The following JMJD1C variants were observed in gnomAD, a reference collection of about 807,000 sequenced individuals.
JMJD1C encodes jumonji domain containing 1C, also known as jumonji domain-containing protein 1C.
In JMJD1C, 31 loss-of-function variants were observed where a neutral mutation model predicts 245.3. The ratio of observed to expected loss-of-function variants is 0.13; its 90% confidence interval spans 0.09 to 0.17. The LOEUF (loss-of-function observed/expected upper bound fraction) is 0.17. Among genes scored for constraint, JMJD1C ranks in the 10% least tolerant of loss-of-function variants. The pLI is 1.00. For missense variants in JMJD1C, 2,691 were observed against 3,000.2 expected (o/e 0.90, Z 2.41); for synonymous variants, 1,057 against 1,017.4 (o/e 1.04, Z -0.74).
chr10:63,269,868 T>C (rs1856067097), intron 2 of JMJD1C, among the ~76,000 whole-genome samples: 1 of 152,246 alleles, frequency 6.6e-6, no homozygotes, highest in Non-Finnish European at 1.5e-5. Flanking sequence ...TCTAGAGTTC[T>C]GCTGTCTGAT....
intron 22 of JMJD1C, among the ~76,000 whole-genome samples, chr10:63,180,293 G>C (rs1377708576): frequency 1.3e-5 from 2 of 152,226 alleles, no homozygotes; most frequent in Non-Finnish European, 2.9e-5. Flanking sequence ...TTACAGGCGT[G>C]AGCCACTGCT....
At chr10:63,447,129 C>A (rs952941958) in intron 1 of JMJD1C, among the ~76,000 whole-genome samples, 2 of 150,952 alleles carry the variant, frequency 1.3e-5, no homozygotes, top group African/African-American at 4.9e-5. Context: ...TCTCAAGAGA[C>A]TCTTAACAAG....
At chr10:63,236,303 A>G (rs1589241284) in intron 3 of JMJD1C, among the ~76,000 whole-genome samples, 1 of 152,150 alleles carries the variant, frequency 6.6e-6, no homozygotes, top group Non-Finnish European at 1.5e-5. Flanking sequence ...TTTAACTACA[A>G]TTTGCTAAGT....
At chr10:63,433,391 C>T (rs892835081) in intron 1 of JMJD1C, among the ~76,000 whole-genome samples, 4 of 151,794 alleles carry the variant, frequency 2.6e-5, no homozygotes, top group Non-Finnish European at 4.4e-5. Flanking sequence ...CCACCGCGCC[C>T]GGCCTAAGGG....
intron 22 of JMJD1C, among the ~76,000 whole-genome samples, chr10:63,181,300 T>C (rs1843445448): frequency 6.6e-6 from 1 of 152,240 alleles, no homozygotes; most frequent in Non-Finnish European, 1.5e-5. Context: ...TAAATTTTAC[T>C]GCTCTGCAAA....
chr10:63,280,277 C>T (rs192449162), intron 2 of JMJD1C, among the ~76,000 whole-genome samples: 209 of 152,162 alleles, frequency 1.4e-3, no homozygotes, highest in Non-Finnish European at 1.9e-3. Flanking sequence ...AGGCCACACG[C>T]GGTTGCTCAC....
At chr10:63,355,571 G>A (rs1400212818) in intron 2 of JMJD1C, among the ~76,000 whole-genome samples, 4 of 152,100 alleles carry the variant, frequency 2.6e-5, no homozygotes. Flanking sequence ...ACTCTTGGAA[G>A]AGAAAAAATT....
intron 1 of JMJD1C, among the ~76,000 whole-genome samples, chr10:63,475,309 A>G (rs537720717): frequency 1.3e-5 from 2 of 152,190 alleles, no homozygotes; most frequent in Non-Finnish European, 2.9e-5. Context: ...CATACTTCCT[A>G]GAGGGAATAG....
At chr10:63,319,129 G>GGGC (rs1293194511) in intron 2 of JMJD1C, among the ~76,000 whole-genome samples, 1 of 151,656 alleles carries the variant, frequency 6.6e-6, no homozygotes, top group East Asian at 1.9e-4. Context: ...GTGTGGTGGT[G>GGGC]GCCTGTAGTC....
intron 3 of JMJD1C, among the ~76,000 whole-genome samples, chr10:63,262,441 T>C (rs943923514): frequency 2.6e-5 from 4 of 152,170 alleles, no homozygotes; most frequent in African/African-American, 4.8e-5. Flanking sequence ...TTTATATTTA[T>C]AACCTGATCT....
At chr10:63,457,253 G>A (rs1476292514) in intron 1 of JMJD1C, among the ~76,000 whole-genome samples, 2 of 152,152 alleles carry the variant, frequency 1.3e-5, no homozygotes, top group African/African-American at 2.4e-5. Flanking sequence ...TAATGCCAAC[G>A]TTCAAGGTGG....
intron 2 of JMJD1C, among the ~76,000 whole-genome samples, chr10:63,346,033 A>G (rs547866641): frequency 6.6e-6 from 1 of 152,276 alleles, no homozygotes; most frequent in Admixed American, 6.5e-5. Context: ...CAAATCATGC[A>G]GCAGATATTT....
At chr10:63,369,024 G>T (rs968597554) in intron 2 of JMJD1C, among the ~76,000 whole-genome samples, 1 of 152,082 alleles carries the variant, frequency 6.6e-6, no homozygotes, top group African/African-American at 2.4e-5. Flanking sequence ...CCTCCTCAGG[G>T]TGTAATAATG....
intron 22 of JMJD1C, among the ~76,000 whole-genome samples, chr10:63,179,232 AAAC>A (rs1843184030): frequency 6.6e-6 from 1 of 152,054 alleles, no homozygotes; most frequent in African/African-American, 2.4e-5. Context: ...CAACATGAAG[AAAC>A]CCCATCTCTA....
intron 8 of JMJD1C, among the ~76,000 whole-genome samples, chr10:63,211,177 T>A (rs926118930): frequency 6.6e-6 from 1 of 152,088 alleles, no homozygotes; most frequent in Admixed American, 6.5e-5. Flanking sequence ...AGTTCACCCA[T>A]CACATGGTTG....
chr10:63,394,913 T>TA (rs1169599339), intron 1 of JMJD1C, among the ~76,000 whole-genome samples: 2 of 150,732 alleles, frequency 1.3e-5, no homozygotes, highest in African/African-American at 2.4e-5. Context: ...AAATCAATGT[T>TA]AAAAAAAATG....
At chr10:63,277,503 A>G (rs1250160197) in intron 2 of JMJD1C, among the ~76,000 whole-genome samples, 1 of 152,272 alleles carries the variant, frequency 6.6e-6, no homozygotes, top group East Asian at 1.9e-4. Context: ...TTTCTTTTAC[A>G]AAAGGGCAGC....
intron 3 of JMJD1C, among the ~76,000 whole-genome samples, chr10:63,228,441 C>A (rs1370164791): frequency 6.6e-6 from 1 of 151,960 alleles, no homozygotes; most frequent in Admixed American, 6.6e-5. Flanking sequence ...CCCTTATGCC[C>A]AGAAGTTCAA....
At chr10:63,305,629 C>CGTGTGTGTGTGTGTGTG (rs1938067815) in intron 2 of JMJD1C, among the ~76,000 whole-genome samples, 1 of 121,682 alleles carries the variant, frequency 8.2e-6, no homozygotes, top group South Asian at 3.1e-4. Context: ...ACCATGCTGG[C>CGTGTGTGTGTGTGTGTG]GTGTGTGTGT....
Sources: gnomAD v4.1 joint callset for allele counts (sites outside exome capture counted in the v4.1 genomes callset) on GRCh38, gnomAD v4.1.1 for gene constraint, MANE v1.5 for transcripts, NCBI Gene and HGNC (gene_info 2026-07-23, HGNC 2026-07-21) for gene names.